TMEM67: variants seen among roughly 807,000 people sequenced by gnomAD.
The protein encoded by TMEM67 is transmembrane protein 67.
Under a neutral mutation model 136.6 loss-of-function variants are expected in TMEM67, and 124 were observed. The observed-to-expected ratio is 0.91, with a 90% CI of 0.78 to 1.05. TMEM67 has a LOEUF of 1.05. TMEM67 is among the 50% of genes least tolerant of loss of function. TMEM67 has a pLI of 0.00. For synonymous variants in TMEM67, 364 were observed against 390.5 expected, an observed-to-expected ratio of 0.93 and a Z score of 0.80; for missense variants, 1,107 against 1,178.4, an observed-to-expected ratio of 0.94 and a Z score of 0.89.
At chr8:93,810,811 A>G (rs1355839427) in intron 26 of TMEM67, among the ~76,000 whole-genome samples, 1 of 152,262 alleles carries the variant, frequency 6.6e-6, no homozygotes, top group African/African-American at 2.4e-5. Context: ...ATGCCAAACT[A>G]TGAAACACTT....
intron 6 of TMEM67, among the ~76,000 whole-genome samples, chr8:93,767,704 C>G (rs1813135525): frequency 6.8e-6 from 1 of 147,566 alleles, no homozygotes; most frequent in South Asian, 2.1e-4. Context: ...ATAAAAGTCC[C>G]TTCAAGTTGG....
chr8:93,821,434 T>C (rs1809039550), downstream of TMEM67, among the ~76,000 whole-genome samples: 1 of 152,076 alleles, frequency 6.6e-6, no homozygotes, highest in Non-Finnish European at 1.5e-5. Flanking sequence ...GGCACATGCC[T>C]CCATGCTTGG....
At chr8:93,757,649 C>A (rs1406564893) in intron 2 of TMEM67, among the ~76,000 whole-genome samples, 1 of 150,624 alleles carries the variant, frequency 6.6e-6, no homozygotes, top group Non-Finnish European at 1.5e-5. Flanking sequence ...AAAAAAAAAA[C>A]CTTTACTAGT....
chr8:93,764,101 C>T (rs1035933021), intron 4 of TMEM67, among the ~76,000 whole-genome samples, 160 bp downstream of exon 4: 2 of 152,256 alleles, frequency 1.3e-5, no homozygotes, highest in Non-Finnish European at 1.5e-5. Context: ...AGGCCCAGAG[C>T]GTGAGACACA....
downstream of TMEM67, among the ~76,000 whole-genome samples, chr8:93,821,111 G>A (rs942020967): frequency 7.2e-5 from 11 of 152,060 alleles, no homozygotes; most frequent in African/African-American, 2.4e-4. Context: ...AGGGAAAGGT[G>A]TTTTTTAGAT....
chr8:93,755,593 C>T (rs998026472), intron 1 of TMEM67, among the ~76,000 whole-genome samples, 185 bp from the exon 2 acceptor site: 2 of 152,108 alleles, frequency 1.3e-5, no homozygotes, highest in Admixed American at 6.5e-5. Flanking sequence ...AGGATTACTA[C>T]GATTGGAACT....
intron 22 of TMEM67, among the ~76,000 whole-genome samples, chr8:93,804,429 C>T (rs1276322671): frequency 2.0e-5 from 3 of 148,178 alleles, no homozygotes; most frequent in East Asian, 2.0e-4. Flanking sequence ...TTCCTCCCAC[C>T]TCAGCTTCCC....
intron 16 of TMEM67, among the ~76,000 whole-genome samples, chr8:93,794,132 C>T (rs190257056): frequency 2.0e-5 from 3 of 152,190 alleles, no homozygotes; most frequent in South Asian, 2.1e-4. Context: ...CCTCATGATC[C>T]GCCCACCTCA....
downstream of TMEM67, among the ~76,000 whole-genome samples, chr8:93,819,835 C>A (rs1203543852): frequency 6.6e-6 from 1 of 152,130 alleles, no homozygotes; most frequent in Non-Finnish European, 1.5e-5. Flanking sequence ...TTTTAAGAAA[C>A]CTTCCCTTCT....
chr8:93,804,752 C>G lies in TMEM67; in HGVS notation c.2323-10C>G, dbSNP rs781307279. The G allele has an allele frequency of 4.0e-6, 6 of 1,500,114 alleles. No homozygotes were observed. Among genetic ancestry groups the G allele is most frequent in the South Asian group, 3.4e-5 (3 of 88,430 alleles). 92.9% of individuals were successfully genotyped at this position (1,500,114 alleles called of 1,614,324 possible). On this transcript the variant is annotated splice_polypyrimidine_tract_variant and intron_variant, in intron 22 of 27. Coordinates refer to ENST00000453321, the MANE Select transcript of TMEM67 (RefSeq NM_153704.6). Reference sequence around the variant, plus strand: ...GTTGCTATTTGCTTCTTTTTATTCTCTTTTTATAGATATCAGTGTTTCTGT... The same window carrying G: ...GTTGCTATTTGCTTCTTTTTATTCTGTTTTTATAGATATCAGTGTTTCTGT...
intron 6 of TMEM67, among the ~76,000 whole-genome samples, chr8:93,768,337 C>T (rs540352563): frequency 1.4e-4 from 21 of 151,648 alleles, no homozygotes; most frequent in Admixed American, 2.6e-4. Context: ...AAGGGCTGGG[C>T]GTGGTGGCTC....
intron 26 of TMEM67, among the ~76,000 whole-genome samples, chr8:93,814,156 T>C (rs1808807466): frequency 6.8e-6 from 1 of 147,890 alleles, no homozygotes; most frequent in African/African-American, 2.5e-5. Context: ...TTTTTTTTTT[T>C]TGAGACGTAG....
chr8:93,760,028 T>A (rs1232827369), intron 3 of TMEM67: 1 of 1,416,306 alleles, frequency 7.1e-7, no homozygotes, highest in African/African-American at 1.5e-5. Flanking sequence ...GGCAGGCTTT[T>A]AAGTGAAAAT....
chr8:93,789,156 A>G (rs1814257086), intron 14 of TMEM67, among the ~76,000 whole-genome samples: 1 of 152,178 alleles, frequency 6.6e-6, no homozygotes, highest in Non-Finnish European at 1.5e-5. Flanking sequence ...TTAATATTCT[A>G]GTTCCTTCAG....
At chr8:93,810,220 C>T (rs868497908) in intron 26 of TMEM67, among the ~76,000 whole-genome samples, 15 of 149,662 alleles carry the variant, frequency 1.0e-4, no homozygotes, top group African/African-American at 3.6e-4. Context: ...CCGCCCACCT[C>T]GGCCTCCCAA....
In TMEM67 at chr8:93,785,258, C is replaced by T; in HGVS notation, c.1168C>T (p.Pro390Ser). The change falls in exon 12 of 28, where the codon CCC becomes TCC. Residue 390 changes from proline (P) to serine (S), a missense_variant. Physicochemically the swap from Pro to Ser is moderately conservative, Grantham distance 74 (BLOSUM62 -1). Transcript: ENST00000453321. ...IPISKILIDF[P>S]TPIFYDVYLE... ...TATCTCTAAGATCTTAATTGACTTT[C>T]CCACTCCTATATTTTATGATGTGTA... The T allele has an allele frequency of 6.3e-7, 1 of 1,597,504 alleles. No homozygotes were observed. The highest frequency in any genetic ancestry group is 8.6e-7 in the Non-Finnish European group (1 of 1,166,092).
chr8:93,789,493 A>G (rs1814271306), intron 14 of TMEM67, among the ~76,000 whole-genome samples: 1 of 151,870 alleles, frequency 6.6e-6, no homozygotes. Context: ...TAAAAATACA[A>G]AATCAGCCAG....
At chr8:93,811,878 G>A (rs886242142) in intron 26 of TMEM67, among the ~76,000 whole-genome samples, 10 of 151,824 alleles carry the variant, frequency 6.6e-5, no homozygotes, top group African/African-American at 2.2e-4. Context: ...GGCCAGGTGC[G>A]GTGGCTCATG....
intron 21 of TMEM67, among the ~76,000 whole-genome samples, chr8:93,801,964 A>G (rs1313160471): frequency 6.6e-6 from 1 of 152,214 alleles, no homozygotes; most frequent in Admixed American, 6.5e-5. Context: ...ATATACCGAT[A>G]TATTTTGTGA....
Sources: gnomAD v4.1 joint callset for allele counts (sites outside exome capture counted in the v4.1 genomes callset) on GRCh38, gnomAD v4.1.1 for gene constraint, MANE v1.5 for transcripts, NCBI Gene and HGNC (gene_info 2026-07-23, HGNC 2026-07-21) for gene names.